The following SNX29 variants were observed in gnomAD, a reference collection of about 807,000 sequenced individuals.
The protein encoded by SNX29 is sorting nexin 29, also known as sorting nexin-29.
Under a neutral mutation model 102.1 loss-of-function variants are expected in SNX29, and 78 were observed. That is an observed-to-expected ratio of 0.76 (90% confidence interval 0.64 to 0.92). The LOEUF (loss-of-function observed/expected upper bound fraction) is 0.92. SNX29 is among the 40% of genes least tolerant of loss of function. The pLI is 0.00. For synonymous variants in SNX29, 580 were observed against 414.5 expected (o/e 1.40, Z -4.85); for missense variants, 1,280 against 1,061.7 (o/e 1.21, Z -2.86).
In SNX29 at chr16:12,422,156, T is replaced by A. The variant is rs992966631; in HGVS notation, c.2037+18627T>A. On this transcript the variant is annotated intron_variant, in intron 18 of 20. Transcript: ENST00000566228. ...GGCAGCATTTTTCTCCTTAAAAACATACAGCTGGCAGGCTGTCTAGACCTA... is the reference window on the plus strand; with the variant it reads ...GGCAGCATTTTTCTCCTTAAAAACAAACAGCTGGCAGGCTGTCTAGACCTA... Among the ~76,000 whole-genome samples the A allele has an allele frequency of 9.8e-5, 15 of 152,350 alleles. No homozygotes were observed. The South Asian group carries it at 3.1e-3, about 32-fold the overall frequency.
chr16:12,554,916 G>A lies in SNX29; in HGVS notation c.2319-13590G>A, dbSNP rs138177157. Among the ~76,000 whole-genome samples the A allele has an allele frequency of 6.8e-3, 1,036 of 152,092 alleles. 8 individuals carry two copies. The highest frequency in any genetic ancestry group is 0.023 in the African/African-American group (961 of 41,424). ...CAGGACAGGCAGTGCAGGGGAGAGGGGCTGAGGAGGGCAGCAAGCACGGCC... is the reference window on the plus strand; with the variant it reads ...CAGGACAGGCAGTGCAGGGGAGAGGAGCTGAGGAGGGCAGCAAGCACGGCC... On this transcript the variant is annotated intron_variant, in intron 20 of 20. Coordinates refer to ENST00000566228, the MANE Select transcript of SNX29 (RefSeq NM_032167.5).
chr16:12,282,265 AG>A (rs1218234477), intron 15 of SNX29, among the ~76,000 whole-genome samples: 3 of 152,044 alleles, frequency 2.0e-5, no homozygotes, highest in Admixed American at 6.6e-5. Context: ...GCAGGACACA[AG>A]GGGGAAAACT....
intron 15 of SNX29, among the ~76,000 whole-genome samples, chr16:12,317,283 G>C (rs142289133): frequency 6.6e-6 from 1 of 152,144 alleles, no homozygotes; most frequent in African/African-American, 2.4e-5. Flanking sequence ...AGGGACCTTC[G>C]CAGGCCCCAG....
intron 18 of SNX29, among the ~76,000 whole-genome samples, chr16:12,434,943 G>A: frequency 6.9e-6 from 1 of 144,044 alleles, no homozygotes; most frequent in East Asian, 2.0e-4. Context: ...CTGGCACTTG[G>A]TGTCTTTGGT....
intron 15 of SNX29, among the ~76,000 whole-genome samples, chr16:12,347,553 C>T (rs1414578458): frequency 1.3e-5 from 2 of 152,100 alleles, no homozygotes; most frequent in Non-Finnish European, 2.9e-5. Context: ...TTCTGAGCCT[C>T]AGTTTTCCTT....
chr16:12,226,229 G>T (rs1416265210), intron 14 of SNX29, among the ~76,000 whole-genome samples: 4 of 152,210 alleles, frequency 2.6e-5, no homozygotes, highest in African/African-American at 7.2e-5. Context: ...AATTAATATT[G>T]TCTGGGAGTT....
At chr16:12,099,106 C>G (rs1055055775) in intron 11 of SNX29, among the ~76,000 whole-genome samples, 5 of 152,196 alleles carry the variant, frequency 3.3e-5, no homozygotes, top group Admixed American at 1.3e-4. Flanking sequence ...AGGTTTCAGG[C>G]TGTTGTTAGA....
chr16:12,195,875 G>A (rs2076760068), intron 13 of SNX29, among the ~76,000 whole-genome samples: 1 of 152,174 alleles, frequency 6.6e-6, no homozygotes. Context: ...GTGTGGCAGA[G>A]AGGAGAGGGA....
intron 16 of SNX29, among the ~76,000 whole-genome samples, chr16:12,389,862 G>C (rs973584694): frequency 6.6e-6 from 1 of 152,224 alleles, no homozygotes; most frequent in African/African-American, 2.4e-5. Context: ...CAGGGACCCA[G>C]CCACTGTAAG....
chr16:12,405,412 G>T (rs2084119977), intron 18 of SNX29, among the ~76,000 whole-genome samples: 1 of 152,194 alleles, frequency 6.6e-6, no homozygotes. Flanking sequence ...TTTACGGTGT[G>T]AAGCTCTCAT....
At chr16:12,534,987 A>G (rs1340904632) in intron 20 of SNX29, among the ~76,000 whole-genome samples, 1 of 152,178 alleles carries the variant, frequency 6.6e-6, no homozygotes, top group Non-Finnish European at 1.5e-5. Context: ...ATTAGTGTGA[A>G]GGTTGAGAAG....
In SNX29 at chr16:12,518,437, C is replaced by CA. The variant is rs1300800989; in HGVS notation, c.2179-6264dup. 2.6e-5 allele frequency among the ~76,000 whole-genome samples: 4 copies of CA among 152,208 alleles called. 1 individual carries two copies. The highest frequency in any genetic ancestry group is 4.4e-5 in the Non-Finnish European group (3 of 68,034). ...TGCATTTGCTGTTCTTTCCACTTGG[C>CA]ATGCCCTTCCCCCACCCTCAGGGCA... On this transcript the variant is annotated intron_variant, in intron 19 of 20. Coordinates refer to ENST00000566228, the MANE Select transcript of SNX29 (RefSeq NM_032167.5).
intron 16 of SNX29, among the ~76,000 whole-genome samples, chr16:12,371,149 A>C (rs940601728): frequency 6.6e-6 from 1 of 152,170 alleles, no homozygotes; most frequent in Non-Finnish European, 1.5e-5. Context: ...TGGGGATGCA[A>C]CTGATGTTGC....
At chr16:12,557,067 A>C (rs900490187) in intron 20 of SNX29, among the ~76,000 whole-genome samples, 4 of 139,062 alleles carry the variant, frequency 2.9e-5, no homozygotes, top group African/African-American at 1.1e-4. Flanking sequence ...GGCTGGCCTC[A>C]GAGTCTGCCA....
intron 19 of SNX29, among the ~76,000 whole-genome samples, chr16:12,517,963 C>G (rs147323549): frequency 6.6e-6 from 1 of 151,926 alleles, no homozygotes; most frequent in African/African-American, 2.4e-5. Context: ...AAACTTGGGG[C>G]TGCTAACATA....
At chr16:12,106,294 G>A (rs1433667752) in intron 11 of SNX29, among the ~76,000 whole-genome samples, 1 of 152,018 alleles carries the variant, frequency 6.6e-6, no homozygotes, top group Admixed American at 6.6e-5. Flanking sequence ...GAGACCCTGA[G>A]CAACACTGGT....
At chr16:11,997,702 C>G (rs2056134816) in intron 1 of SNX29, among the ~76,000 whole-genome samples, 1 of 152,100 alleles carries the variant, frequency 6.6e-6, no homozygotes, top group Admixed American at 6.6e-5. Flanking sequence ...TGGTCTCAAA[C>G]TCCTGATGTC....
chr16:12,200,803 A>T (rs1274362745), intron 14 of SNX29, among the ~76,000 whole-genome samples: 1 of 152,148 alleles, frequency 6.6e-6, no homozygotes, highest in South Asian at 2.1e-4. Context: ...TTCAGAGTCA[A>T]CCAAACCTGC....
intron 15 of SNX29, among the ~76,000 whole-genome samples, chr16:12,284,793 C>T (rs1441283921): frequency 6.6e-6 from 1 of 151,756 alleles, no homozygotes. Flanking sequence ...GGCACAATCT[C>T]AGCTCACTGC....
Sources: allele counts gnomAD v4.1 joint callset (sites outside exome capture counted in the v4.1 genomes callset), GRCh38; gene constraint gnomAD v4.1.1; transcripts MANE v1.5; gene names NCBI Gene and HGNC (gene_info 2026-07-23, HGNC 2026-07-21).